ATR: variants seen among roughly 807,000 people sequenced by gnomAD.
ATR encodes ATR checkpoint kinase, also known as serine/threonine-protein kinase ATR.
A neutral mutation model predicts 305.3 loss-of-function variants in ATR; 142 were observed. The ratio of observed to expected loss-of-function variants is 0.47; its 90% confidence interval spans 0.41 to 0.53. The LOEUF is 0.53. Among genes scored for constraint, ATR ranks in the 20% least tolerant of loss-of-function variants. The pLI, the probability that ATR is intolerant of heterozygous loss-of-function variation, is 0.00. For synonymous variants in ATR, 1,050 were observed against 1,068.1 expected (o/e 0.98, Z 0.33); for missense variants, 2,135 against 3,133.1 (o/e 0.68, Z 7.60).
At chr3:142,521,798 G>T (rs977816298) in intron 23 of ATR, among the ~76,000 whole-genome samples, 4 of 152,202 alleles carry the variant, frequency 2.6e-5, no homozygotes, top group African/African-American at 9.6e-5. Context: ...TATAAGCAAA[G>T]AAAGTGGTTT....
chr3:142,485,438 G>T (rs2030853121), intron 35 of ATR, among the ~76,000 whole-genome samples, 156 bp from the exon 36 acceptor site: 1 of 152,184 alleles, frequency 6.6e-6, no homozygotes, highest in Admixed American at 6.5e-5. Flanking sequence ...AAAAGGAATA[G>T]CTAACTTCTT....
chr3:142,506,642 G>A (rs1418180952), intron 28 of ATR, among the ~76,000 whole-genome samples: 8 of 152,110 alleles, frequency 5.3e-5, no homozygotes, highest in African/African-American at 7.2e-5. Flanking sequence ...AGCCGAGCTC[G>A]TGCCACTGTA....
intron 44 of ATR, among the ~76,000 whole-genome samples, chr3:142,458,117 T>C (rs1383227091): frequency 6.6e-6 from 1 of 152,242 alleles, no homozygotes; most frequent in Admixed American, 6.5e-5. Context: ...TTCTCATATA[T>C]TTCTACTTTT....
At chr3:142,508,491 T>TA (rs982392262) in intron 27 of ATR, among the ~76,000 whole-genome samples, 3 of 152,204 alleles carry the variant, frequency 2.0e-5, no homozygotes, top group South Asian at 4.1e-4. Flanking sequence ...TTGATGACTA[T>TA]AAAAAATGAT....
At chr3:142,475,477 T>A (rs1464204815) in intron 36 of ATR, among the ~76,000 whole-genome samples, 1 of 152,222 alleles carries the variant, frequency 6.6e-6, no homozygotes, top group Non-Finnish European at 1.5e-5. Flanking sequence ...TGTGCCACAT[T>A]TTCTTAATCC....
In ATR at chr3:142,497,104, A is replaced by T; in HGVS notation, c.5647T>A (p.Trp1883Arg). The part of the protein sequence containing the change: ...GDSSQEDSLN[W>R]VARLEMTQNS... ...TGGGTCATTTCTAGTCGAGCTACCC[A>T]GTTTAGAGAATCTTCTTGAGAACTG... The change falls in exon 33 of 47, where the codon TGG becomes AGG. Residue 1883 changes from tryptophan to arginine, a missense_variant. Transcript: ENST00000350721. 1 of 1,614,114 alleles carries T rather than the reference A, an allele frequency of 6.2e-7. No homozygotes were observed. Among genetic ancestry groups the T allele is most frequent in the South Asian group, 1.1e-5 (1 of 91,072 alleles).
At chr3:142,524,338 C>T in intron 21 of ATR, 139 bp from the exon 22 acceptor site, 1 of 820,992 alleles carries the variant, frequency 1.2e-6, no homozygotes, top group South Asian at 1.8e-5. Context: ...GCAATTTTTT[C>T]AGCTAGTTTT....
intron 36 of ATR, among the ~76,000 whole-genome samples, chr3:142,479,561 G>A (rs1171678649): frequency 6.6e-6 from 1 of 152,092 alleles, no homozygotes; most frequent in African/African-American, 2.4e-5. Flanking sequence ...TGACAATTAT[G>A]TGTCTTGGAG....
intron 16 of ATR, among the ~76,000 whole-genome samples, chr3:142,545,310 A>G (rs1464851934): frequency 6.6e-6 from 1 of 152,150 alleles, no homozygotes; most frequent in Non-Finnish European, 1.5e-5. Context: ...GAGTCGAGAC[A>G]GGGTACTCAG....
intron 36 of ATR, among the ~76,000 whole-genome samples, chr3:142,479,990 A>C (rs1424792008): frequency 6.6e-6 from 1 of 152,176 alleles, no homozygotes; most frequent in African/African-American, 2.4e-5. Flanking sequence ...CCATTCGTCT[A>C]ATCTTTTTTC....
chr3:142,559,119 A>G (rs2034787185), intron 7 of ATR, 132 bp downstream of exon 7: 1 of 971,874 alleles, frequency 1.0e-6, no homozygotes, highest in Non-Finnish European at 1.5e-6. Flanking sequence ...TGACAAATTT[A>G]ATAGAACTGA....
Position 142,540,913 on chromosome 3 carries a change from A to G in ATR, c.3572T>C (p.Leu1191Ser). 6.2e-7 allele frequency: 1 copy of G among 1,611,580 alleles called. No individual in the cohort carries two copies. Among genetic ancestry groups the G allele is most frequent in the Non-Finnish European group, 8.5e-7 (1 of 1,178,752 alleles). Reference protein sequence around the residue: ...GLRFKDDFPELCCRAWDCFVR... With the variant: ...GLRFKDDFPESCCRAWDCFVR... ...TCAGGCAGTCATTTACCTGCAACAC[A>G]ATTCAGGAAAATCATCCTTGAATCG... The change falls in exon 18 of 47, where the codon TTG becomes TCG. Residue 1191 changes from leucine (L) to serine (S), a missense_variant. Transcript: ENST00000350721.
intron 35 of ATR, among the ~76,000 whole-genome samples, chr3:142,491,447 T>C (rs1010379623): frequency 6.6e-6 from 1 of 152,164 alleles, no homozygotes; most frequent in African/African-American, 2.4e-5. Flanking sequence ...CTGGCTTTAG[T>C]ACCCAGGCAG....
rs2070724679 is a variant in ATR at position 142,449,374 on chromosome 3, C to T, written c.*55G>A. 4 of 1,510,836 alleles carry T rather than the reference C, an allele frequency of 2.6e-6. No homozygotes were observed. The Admixed American group carries it at 6.7e-5, about 25-fold the overall frequency. 93.6% of individuals were successfully genotyped at this position (1,510,836 alleles called of 1,614,324 possible). A position where few individuals can be genotyped will look rare whatever the true frequency, so the allele number is the denominator to read the frequency against. On this transcript the variant is annotated 3_prime_UTR_variant, in exon 47 of 47. Coordinates refer to ENST00000350721, the MANE Select transcript of ATR (RefSeq NM_001184.4). ...AATTGAACAGATACAACCACAGATT[C>T]ATACCAAATGCATTACTTTTAGATT... is the stretch of plus-strand genomic sequence containing the variant.
intron 45 of ATR, among the ~76,000 whole-genome samples, chr3:142,456,048 G>T (rs1487735889): frequency 1.3e-5 from 2 of 152,206 alleles, no homozygotes; most frequent in East Asian, 3.9e-4. Flanking sequence ...GGGCGGGGTG[G>T]CTCATGCCTG....
At chr3:142,479,204 A>G (rs987908556) in intron 36 of ATR, among the ~76,000 whole-genome samples, 30 of 152,212 alleles carry the variant, frequency 2.0e-4, no homozygotes, top group Admixed American at 4.6e-4. Context: ...ACAATTTGGC[A>G]TGTTTCTGCA....
chr3:142,480,753 C>A (rs571550882), intron 36 of ATR, among the ~76,000 whole-genome samples: 1 of 152,246 alleles, frequency 6.6e-6, no homozygotes, highest in Non-Finnish European at 1.5e-5. Flanking sequence ...AGCTTTCCAG[C>A]CACTTTGTTT....
chr3:142,536,289 T>C, intron 19 of ATR, 88 bp from the exon 20 acceptor site: 1 of 927,550 alleles, frequency 1.1e-6, no homozygotes, highest in Non-Finnish European at 1.7e-6. Context: ...TAAGGCCAAT[T>C]TAATTCATAA....
At chr3:142,571,181 A>C (rs1219566149) in intron 1 of ATR, among the ~76,000 whole-genome samples, 1 of 152,112 alleles carries the variant, frequency 6.6e-6, no homozygotes, top group Non-Finnish European at 1.5e-5. Flanking sequence ...TAAATAATCA[A>C]AAGCGGCCGG....
Sources: allele counts gnomAD v4.1 joint callset (sites outside exome capture counted in the v4.1 genomes callset), GRCh38; gene constraint gnomAD v4.1.1; transcripts MANE v1.5; gene names NCBI Gene and HGNC (gene_info 2026-07-23, HGNC 2026-07-21).